CRIM1: variants seen among roughly 807,000 people sequenced by gnomAD.
CRIM1 encodes the protein cysteine rich transmembrane BMP regulator 1, also known as cysteine-rich motor neuron 1 protein.
In CRIM1, 32 loss-of-function variants were observed where a neutral mutation model predicts 116.4. The ratio of observed to expected loss-of-function variants is 0.27; its 90% CI spans 0.21 to 0.37. CRIM1 has a LOEUF of 0.37. CRIM1 is among the 10% of genes least tolerant of loss of function. CRIM1 has a pLI of 1.00. For missense variants in CRIM1, 1,331 were observed against 1,354.8 expected (o/e 0.98, Z 0.28); for synonymous variants, 590 against 509.2 (o/e 1.16, Z -2.13).
intron 4 of CRIM1, among the ~76,000 whole-genome samples, chr2:36,462,113 C>T (rs935583071): frequency 6.6e-6 from 1 of 152,126 alleles, no homozygotes; most frequent in African/African-American, 2.4e-5. Flanking sequence ...AAAGATTCAG[C>T]ATAAAACATT....
intron 8 of CRIM1, among the ~76,000 whole-genome samples, chr2:36,501,502 T>C (rs1309113669): frequency 6.6e-6 from 1 of 151,988 alleles, no homozygotes. Context: ...ATGGATTGCT[T>C]GACCTCAGGA....
intron 5 of CRIM1, among the ~76,000 whole-genome samples, chr2:36,470,486 T>G (rs752958826): frequency 5.9e-5 from 9 of 152,180 alleles, no homozygotes; most frequent in East Asian, 1.9e-4. Context: ...AGCTGATAAC[T>G]TTAAGCTAAA....
intron 9 of CRIM1, among the ~76,000 whole-genome samples, 183 bp from the exon 10 acceptor site, chr2:36,512,090 A>G (rs536019021): frequency 2.0e-5 from 3 of 152,344 alleles, no homozygotes; most frequent in African/African-American, 7.2e-5. Flanking sequence ...TGCCTTGGTC[A>G]TGAGTAAGTG....
At chr2:36,470,843 A>G (rs1362084601) in intron 5 of CRIM1, among the ~76,000 whole-genome samples, 2 of 152,228 alleles carry the variant, frequency 1.3e-5, no homozygotes, top group African/African-American at 4.8e-5. Flanking sequence ...CTGATGGATC[A>G]GAACTAAATC....
intron 14 of CRIM1, 84 bp from the exon 15 acceptor site, chr2:36,544,292 G>A: frequency 3.3e-6 from 4 of 1,197,898 alleles, no homozygotes; most frequent in Non-Finnish European, 4.3e-6. Flanking sequence ...GTCTTGAATT[G>A]AGTGCACCAT....
At chr2:36,426,446 T>C (rs1391658505) in intron 2 of CRIM1, among the ~76,000 whole-genome samples, 3 of 152,162 alleles carry the variant, frequency 2.0e-5, no homozygotes, top group Non-Finnish European at 4.4e-5. Context: ...GTATCAAACA[T>C]TGTGTATGTT....
At chr2:36,494,396 A>G (rs1245994924) in intron 7 of CRIM1, among the ~76,000 whole-genome samples, 1 of 152,198 alleles carries the variant, frequency 6.6e-6, no homozygotes, top group Non-Finnish European at 1.5e-5. Flanking sequence ...GTTATGAAAG[A>G]AGTAACCCTA....
chr2:36,513,370 C>T (rs1419171343), intron 10 of CRIM1, 186 bp from the exon 11 acceptor site: 2 of 566,466 alleles, frequency 3.5e-6, no homozygotes, highest in East Asian at 2.8e-5. Flanking sequence ...TTTTTTCTCT[C>T]TTTTCTTTTT....
In CRIM1 at chr2:36,517,509, C is replaced by T. The variant is rs1665106431; in HGVS notation, c.2173C>T (p.Arg725Cys). 3 of 1,613,936 alleles carry T rather than the reference C, an allele frequency of 1.9e-6. No individual in the cohort carries two copies. The highest frequency in any genetic ancestry group is 1.3e-5 in the African/African-American group (1 of 74,936). ...CPPLLCQNPS[R>C]TQDSCCPQCT... ...ACCGCTGCTCTGCCAGAACCCCTCA[C>T]GCACCCAGGATTCCTGCTGCCCACA... The change falls in exon 12 of 17, where the codon CGC (arginine) becomes TGC (cysteine). Residue 725 changes from arginine to cysteine, a missense_variant. Transcript: ENST00000280527.
chr2:36,400,094 AG>A (rs1314164373), intron 2 of CRIM1, among the ~76,000 whole-genome samples: 1 of 151,996 alleles, frequency 6.6e-6, no homozygotes, highest in African/African-American at 2.4e-5. Context: ...AGAGAGAGGG[AG>A]TCATGGGGAT....
intron 5 of CRIM1, among the ~76,000 whole-genome samples, chr2:36,466,449 C>T (rs1678033835): frequency 6.6e-6 from 1 of 152,126 alleles, no homozygotes. Flanking sequence ...GGAGGTGCTA[C>T]AGTTTGATTT....
Position 36,547,139 on chromosome 2 carries a change from C to G in CRIM1, c.2902C>G (p.Pro968Ala), listed in dbSNP as rs1331151648. 1.2e-6 allele frequency: 2 copies of G among 1,612,714 alleles called. No individual in the cohort carries two copies. The highest frequency in any genetic ancestry group is 2.7e-5 in the African/African-American group (2 of 74,802). ...CATCAATCAGAAGAAACAGTGGATA[C>G]CACTGCTTTGCTGGTATCGAACACC... ...LFINQKKQWI[P>A]LLCWYRTPTK... is the part of the protein sequence containing the mutation. The change falls in exon 16 of 17, where the codon CCA becomes GCA. Residue 968 changes from proline to alanine, a missense_variant. This residue lies in a region of CRIM1 where 283 missense variants were observed against 242.8 expected (regional missense o/e 1.17). Coordinates refer to ENST00000280527, the MANE Select transcript of CRIM1 (RefSeq NM_016441.3).
At chr2:36,465,693 C>T (rs1252550430) in intron 5 of CRIM1, among the ~76,000 whole-genome samples, 4 of 152,156 alleles carry the variant, frequency 2.6e-5, no homozygotes, top group African/African-American at 7.2e-5. Context: ...AGAAAGAACA[C>T]AGACTAGAAT....
At chr2:36,422,748 G>A (rs906848139) in intron 2 of CRIM1, among the ~76,000 whole-genome samples, 1 of 152,112 alleles carries the variant, frequency 6.6e-6, no homozygotes, top group African/African-American at 2.4e-5. Context: ...GGATGCTTAC[G>A]CTATAACTCC....
At position 36,476,951 on chromosome 2, in the gene CRIM1, G is replaced by T. The variant is rs747944338; in HGVS notation, c.1054G>T (p.Asp352Tyr). 1 of 1,614,062 alleles carries T rather than the reference G, an allele frequency of 6.2e-7. No homozygotes were observed. The highest frequency in any genetic ancestry group is 2.2e-5 in the East Asian group (1 of 44,882). Residue 352 changes from aspartate (D) to tyrosine (Y), a missense_variant, in exon 6 of 17, where the codon GAC (aspartate) becomes TAC (tyrosine). Asp to Tyr is a radical substitution (Grantham distance 160). This residue lies in a region of CRIM1 where 690 missense variants were observed against 676.0 expected (regional missense o/e 1.02). Transcript: ENST00000280527. ...TTATGATGGAGACATGTTTCGAATG[G>T]ACAACTGTCGGTTCTGTCGATGCCA... The part of the protein sequence containing the change: ...EYYDGDMFRM[D>Y]NCRFCRCQGG...
At chr2:36,469,978 A>C (rs1166688997) in intron 5 of CRIM1, among the ~76,000 whole-genome samples, 1 of 152,218 alleles carries the variant, frequency 6.6e-6, no homozygotes, top group East Asian at 1.9e-4. Flanking sequence ...AAGCCAATTG[A>C]AACTAGCAAA....
intron 2 of CRIM1, among the ~76,000 whole-genome samples, chr2:36,407,332 C>G (rs557316799): frequency 5.3e-5 from 8 of 152,010 alleles, no homozygotes; most frequent in Non-Finnish European, 1.0e-4. Flanking sequence ...ATTTTAAATT[C>G]TAGCGATGTC....
At position 36,397,520 on chromosome 2, in the gene CRIM1, C is replaced by G. The variant is rs1288991052; in HGVS notation, c.505+733C>G. ...AGCTCTGCCGCTAACCAGCATTAAA[C>G]TCTCGTAGCCCCAGTTTCTTCTTGA... On this transcript the variant is annotated intron_variant, in intron 2 of 16. Transcript: ENST00000280527. 2.6e-5 allele frequency among the ~76,000 whole-genome samples: 4 copies of G among 152,102 alleles called. No individual in the cohort carries two copies. In the East Asian group the frequency reaches 7.8e-4, roughly 30 times the overall value.
intron 13 of CRIM1, among the ~76,000 whole-genome samples, chr2:36,535,037 A>T (rs1047724702): frequency 4.7e-5 from 7 of 148,188 alleles, no homozygotes; most frequent in African/African-American, 1.7e-4. Context: ...GTCCAGGCTC[A>T]GTCTAAGTTC....
Sources: allele counts gnomAD v4.1 joint callset (sites outside exome capture counted in the v4.1 genomes callset), GRCh38; gene constraint gnomAD v4.1.1; regional missense constraint gnomAD v4.1.1; transcripts MANE v1.5; gene names NCBI Gene and HGNC (gene_info 2026-07-23, HGNC 2026-07-21).